MYO16: variants seen among roughly 807,000 people sequenced by gnomAD.
The protein encoded by MYO16 is unconventional myosin-XVI.
A neutral mutation model predicts 205.3 loss-of-function variants in MYO16; 94 were observed. The ratio of observed to expected loss-of-function variants is 0.46; its 90% CI spans 0.39 to 0.54. The LOEUF (loss-of-function observed/expected upper bound fraction) is 0.54. Among genes scored for constraint, MYO16 ranks in the 20% least tolerant of loss-of-function variants. MYO16 has a pLI of 0.00. For missense variants in MYO16, 2,315 were observed against 2,387.5 expected (o/e 0.97, Z 0.63); for synonymous variants, 988 against 954.0 (o/e 1.04, Z -0.66).
At chr13:108,507,728 T>G in the MYO16 span, among the ~76,000 whole-genome samples, 2 of 152,176 alleles carry the variant, frequency 1.3e-5, no homozygotes, top group Non-Finnish European at 2.9e-5. Flanking sequence ...CTTTTTCTTT[T>G]CTTCTGGGTC....
chr13:108,724,287 A>G (rs1189134428), intron 3 of MYO16, among the ~76,000 whole-genome samples: 1 of 152,174 alleles, frequency 6.6e-6, no homozygotes, highest in Non-Finnish European at 1.5e-5. Flanking sequence ...ATCTAGATTA[A>G]TTTGGCTTCT....
the MYO16 span, among the ~76,000 whole-genome samples, chr13:108,498,699 G>A: frequency 1.3e-5 from 2 of 152,338 alleles, no homozygotes; most frequent in Admixed American, 1.3e-4. Flanking sequence ...AAAAGCAGAT[G>A]ATTTTCACCT....
chr13:108,733,372 G>A (rs8000219), intron 4 of MYO16, among the ~76,000 whole-genome samples: 65,792 of 151,998 alleles, frequency 0.43, 15,249 homozygotes, highest in Non-Finnish European at 0.54. Context: ...AAGTGCCAGC[G>A]TTTTCTGCTT....
chr13:108,562,081 A>G, the MYO16 span, among the ~76,000 whole-genome samples: 3 of 152,192 alleles, frequency 2.0e-5, no homozygotes, highest in Admixed American at 2.0e-4. Context: ...TATGGACTTT[A>G]TAGTCAATAC....
chr13:108,611,807 A>G (rs1027351988), intron 1 of MYO16, among the ~76,000 whole-genome samples: 1 of 152,102 alleles, frequency 6.6e-6, no homozygotes, highest in African/African-American at 2.4e-5. Context: ...AAAAAATGGA[A>G]TTGAAGCTAT....
At position 109,188,542 on chromosome 13, in the gene MYO16, GAACT is replaced by G. The variant is rs561175212; in HGVS notation, c.5415+8913_5415+8916del. On this transcript the variant is annotated intron_variant, in intron 34 of 34. Coordinates refer to ENST00000457511, the MANE Select transcript of MYO16 (RefSeq NM_001198950.3). ...ATTAGATAGATTCTCTAGAGCGACAGAACTAACACGATAGATGAATATATAAAGG... is the reference window on the plus strand; with the variant it reads ...ATTAGATAGATTCTCTAGAGCGACAGAACACGATAGATGAATATATAAAGG... Among the ~76,000 whole-genome samples the G allele has an allele frequency of 6.2e-4, 94 of 152,294 alleles. 1 individual carries two copies. The highest frequency in any genetic ancestry group is 2.1e-3 in the African/African-American group (88 of 41,564).
chr13:108,941,178 C>G (rs1204877086), intron 16 of MYO16, among the ~76,000 whole-genome samples: 1 of 152,054 alleles, frequency 6.6e-6, no homozygotes, highest in Non-Finnish European at 1.5e-5. Flanking sequence ...CTGCTCTGGG[C>G]AAGGCCTTCT....
chr13:109,154,706 G>A (rs996005631), intron 32 of MYO16, among the ~76,000 whole-genome samples: 1 of 151,838 alleles, frequency 6.6e-6, no homozygotes, highest in Non-Finnish European at 1.5e-5. Flanking sequence ...TTCCCTCCAG[G>A]AAAACATATG....
At chr13:108,581,397 C>G in the MYO16 span, among the ~76,000 whole-genome samples, 1 of 152,282 alleles carries the variant, frequency 6.6e-6, no homozygotes, top group African/African-American at 2.4e-5. Flanking sequence ...AACATCCAAA[C>G]TCTATTACTG....
At chr13:108,811,516 T>G (rs1475930523) in intron 7 of MYO16, among the ~76,000 whole-genome samples, 3 of 149,030 alleles carry the variant, frequency 2.0e-5, no homozygotes, top group Admixed American at 6.9e-5. Context: ...GGGCTGTCTC[T>G]TTTTTTCTGT....
At chr13:108,954,820 C>T (rs1338150147) in intron 16 of MYO16, among the ~76,000 whole-genome samples, 1 of 152,112 alleles carries the variant, frequency 6.6e-6, no homozygotes, top group East Asian at 1.9e-4. Context: ...CATGGTAAGC[C>T]AGTTTCTTAC....
At position 108,859,207 on chromosome 13, in the gene MYO16, G is replaced by A. The variant is rs367680995; in HGVS notation, c.1359+3654G>A. ...CTGTCTGTCTCTCTCTTTCTATCATGCCCATACCCACTAGAATGCAAGTTC... is the reference window on the plus strand; with the variant it reads ...CTGTCTGTCTCTCTCTTTCTATCATACCCATACCCACTAGAATGCAAGTTC... On this transcript the variant is annotated intron_variant, in intron 11 of 34. Transcript: ENST00000457511. Among the ~76,000 whole-genome samples, 10 of 152,122 alleles carry A rather than the reference G, an allele frequency of 6.6e-5. No individual in the cohort carries two copies. In the South Asian group the frequency reaches 8.3e-4, roughly 13 times the overall value.
chr13:109,001,473 T>G (rs1885210291), intron 21 of MYO16, among the ~76,000 whole-genome samples: 1 of 152,146 alleles, frequency 6.6e-6, no homozygotes, highest in Admixed American at 6.6e-5. Flanking sequence ...TCAGTCATGG[T>G]GCTAGCAAAA....
At chr13:108,866,407 C>T (rs1566377466) in intron 12 of MYO16, among the ~76,000 whole-genome samples, 165 bp downstream of exon 12, 1 of 152,104 alleles carries the variant, frequency 6.6e-6, no homozygotes, top group Admixed American at 6.5e-5. Context: ...TTTGAGCAAC[C>T]TTGAAAATCG....
In MYO16 at chr13:108,912,090, G is replaced by C. The variant is rs144341989; in HGVS notation, c.1925+1940G>C. ...TACTGGAGAGAGGAGGGACTTTCCAGTGTGATGGAGCCAATGTGAGGCTGA... is the reference window on the plus strand; with the variant it reads ...TACTGGAGAGAGGAGGGACTTTCCACTGTGATGGAGCCAATGTGAGGCTGA... On this transcript the variant is annotated intron_variant, in intron 16 of 34. Transcript: ENST00000457511. 8.2e-4 allele frequency among the ~76,000 whole-genome samples: 125 copies of C among 152,308 alleles called. 1 individual carries two copies. In the East Asian group the frequency reaches 0.018, roughly 22 times the overall value.
At chr13:109,156,278 G>A (rs186999640) in intron 32 of MYO16, among the ~76,000 whole-genome samples, 4 of 152,246 alleles carry the variant, frequency 2.6e-5, no homozygotes, top group Admixed American at 6.5e-5. Flanking sequence ...TTTTACAAAC[G>A]AGAACTTGAG....
At chr13:108,866,875 G>A (rs531291687) in intron 12 of MYO16, among the ~76,000 whole-genome samples, 2 of 152,284 alleles carry the variant, frequency 1.3e-5, no homozygotes, top group Non-Finnish European at 2.9e-5. Context: ...GTGGGTATAT[G>A]TTCCTGAAGC....
In MYO16 at chr13:108,849,616, CTTTTGTGTGTGTGTGTGTGT is replaced by C. The variant is rs1344589900; in HGVS notation, c.1248+5124_1248+5143del. On this transcript the variant is annotated intron_variant, in intron 10 of 34. Transcript: ENST00000457511. ...TCCTCCAAATCCTGTTGAATTTCCT[CTTTTGTGTGTGTGTGTGTGT>C]GTGTGTGTGTGTGTGTGTGTGTGTG... Among the ~76,000 whole-genome samples the C allele has an allele frequency of 1.7e-4, 13 of 77,822 alleles. No homozygotes were observed. In the South Asian group the frequency reaches 3.9e-3, roughly 23 times the overall value. The allele number at this position is 77,822 out of a possible 152,430, so 51.1% of individuals were successfully genotyped here. A position where few individuals can be genotyped will look rare whatever the true frequency, so the allele number is the denominator to read the frequency against.
chr13:109,121,017 G>C (rs1875963564), intron 29 of MYO16, among the ~76,000 whole-genome samples: 2 of 151,968 alleles, frequency 1.3e-5, no homozygotes, highest in South Asian at 4.1e-4. Flanking sequence ...CCACTGCACA[G>C]CAACCTGGGT....
Sources: allele counts gnomAD v4.1 joint callset (sites outside exome capture counted in the v4.1 genomes callset), GRCh38; gene constraint gnomAD v4.1.1; transcripts MANE v1.5; gene names NCBI Gene and HGNC (gene_info 2026-07-23, HGNC 2026-07-21).